NCOR2: variants seen among roughly 807,000 people sequenced by gnomAD.
The protein encoded by NCOR2 is CTG repeat protein 26.
A neutral mutation model predicts 262.9 loss-of-function variants in NCOR2; 81 were observed. That is an observed-to-expected ratio of 0.31 (90% confidence interval 0.26 to 0.37). The LOEUF is 0.37. Among genes scored for constraint, NCOR2 ranks in the 10% least tolerant of loss-of-function variants. The pLI, the probability that NCOR2 is intolerant of heterozygous loss-of-function variation, is 1.00. For missense variants in NCOR2, 3,385 were observed against 3,621.4 expected, an observed-to-expected ratio of 0.93 and a Z score of 1.68; for synonymous variants, 1,659 against 1,559.3, an observed-to-expected ratio of 1.06 and a Z score of -1.51.
At chr12:124,326,104 G>T in intron 46 of NCOR2, 87 bp downstream of exon 48, 1 of 1,329,854 alleles carries the variant, frequency 7.5e-7, no homozygotes, top group Non-Finnish European at 9.8e-7. Context: ...GCATGCAGCA[G>T]GCGCTCAGCA....
At chr12:124,518,231 C>T in intron 1 of NCOR2, 1 of 152,854 alleles carries the variant, frequency 6.5e-6, no homozygotes, top group Non-Finnish European at 1.5e-5. Context: ...AAAAAAAGTG[C>T]CAGCCAGCGG....
At chr12:124,486,536 G>T (rs1218277556) in exon 2 of NCOR2, 24 of 1,593,952 alleles carry the variant, frequency 1.5e-5, no homozygotes, top group African/African-American at 2.7e-5. Flanking sequence ...CATAGTCGCG[G>T]GAGTGGTGCT....
chr12:124,392,797 G>A (rs73225412), intron 16 of NCOR2, among the ~76,000 whole-genome samples: 7,792 of 152,306 alleles, frequency 0.051, 342 homozygotes, highest in African/African-American at 0.12. Context: ...ATAAAAGCCC[G>A]TCAGGCCAGC....
At chr12:124,456,860 G>A (rs549821731) in intron 6 of NCOR2, among the ~76,000 whole-genome samples, 61 of 152,310 alleles carry the variant, frequency 4.0e-4, no homozygotes, top group African/African-American at 1.2e-3. Context: ...ACAGGAGTGC[G>A]CAGGTGGCCC....
At chr12:124,346,030 G>A (rs1465075201) in intron 31 of NCOR2, among the ~76,000 whole-genome samples, 1 of 152,188 alleles carries the variant, frequency 6.6e-6, no homozygotes, top group African/African-American at 2.4e-5. Context: ...GCAACCTGCT[G>A]GTGGGTGCAG....
At chr12:124,343,039 G>A (rs763174817) in exon 33 of NCOR2, 1 of 1,611,872 alleles carries the variant, frequency 6.2e-7, no homozygotes, top group Non-Finnish European at 8.5e-7. Flanking sequence ...GTATGGAGGT[G>A]GGGTCGAAGG....
intron 1 of NCOR2, among the ~76,000 whole-genome samples, chr12:124,515,643 G>C (rs1340379132): frequency 1.3e-5 from 1 of 75,782 alleles, no homozygotes; most frequent in African/African-American, 3.1e-5. Context: ...GACTGTGAGT[G>C]TGCATATGAG....
chr12:124,488,619 C>T (rs186743161), intron 1 of NCOR2, among the ~76,000 whole-genome samples: 10 of 152,322 alleles, frequency 6.6e-5, no homozygotes, highest in East Asian at 1.9e-4. Context: ...AGGGAGAAGA[C>T]GGGGCTGGAG....
chr12:124,375,822 C>T (rs2039947358), intron 18 of NCOR2, among the ~76,000 whole-genome samples: 1 of 152,180 alleles, frequency 6.6e-6, no homozygotes, highest in Non-Finnish European at 1.5e-5. Context: ...GGTATCACTC[C>T]CAGCCCCGCG....
intron 1 of NCOR2, among the ~76,000 whole-genome samples, chr12:124,522,525 T>C (rs553722270): frequency 1.3e-5 from 2 of 152,222 alleles, no homozygotes; most frequent in Non-Finnish European, 2.9e-5. Flanking sequence ...ACACTTGTCA[T>C]TGGATTTAGG....
chr12:124,526,158 T>A (rs1291939286), intron 1 of NCOR2, among the ~76,000 whole-genome samples: 1 of 152,160 alleles, frequency 6.6e-6, no homozygotes, highest in Non-Finnish European at 1.5e-5. Flanking sequence ...CCAGGCAGCC[T>A]CCTTGGATTG....
At chr12:124,429,564 G>A (rs2043797173) in intron 10 of NCOR2, 49 bp downstream of exon 12, 1 of 1,541,862 alleles carries the variant, frequency 6.5e-7, no homozygotes, top group South Asian at 1.2e-5. Flanking sequence ...ACCCTCACGG[G>A]GGATGCCAGG....
chr12:124,393,262 G>A (rs970865415), intron 16 of NCOR2, among the ~76,000 whole-genome samples: 3 of 152,148 alleles, frequency 2.0e-5, no homozygotes, highest in African/African-American at 4.8e-5. Context: ...CGCTGGGCCC[G>A]AGGGCAGGCG....
intron 45 of NCOR2, among the ~76,000 whole-genome samples, chr12:124,327,168 G>A (rs989889308): frequency 9.9e-5 from 15 of 152,236 alleles, no homozygotes; most frequent in South Asian, 4.1e-4. Context: ...CGAGGGAGGC[G>A]GCAGCGCTTC....
intron 16 of NCOR2, among the ~76,000 whole-genome samples, chr12:124,397,414 C>T (rs917663607): frequency 6.6e-6 from 1 of 152,188 alleles, no homozygotes; most frequent in African/African-American, 2.4e-5. Flanking sequence ...GGAGACAGCA[C>T]AGCTGAGAGG....
chr12:124,454,132 G>T lies in NCOR2; in HGVS notation c.762+2974C>A, dbSNP rs1032214273. 6.6e-6 allele frequency among the ~76,000 whole-genome samples: 1 copy of T among 152,180 alleles called. No homozygotes were observed. The highest frequency in any genetic ancestry group is 2.4e-5 in the African/African-American group (1 of 41,442). On this transcript the variant is annotated intron_variant, in intron 6 of 46. Transcript: ENST00000405201. The surrounding 1 kb of genome is among the most constrained non-coding windows in gnomAD (Gnocchi z 5.6). ...GGCCACTCGGGCCTGGCAGATCTGT[G>T]CAGAACTGGCCGGCCGCTCTCCCAG... is the stretch of plus-strand genomic sequence containing the variant.
chr12:124,428,464 C>T (rs942744713), intron 10 of NCOR2, among the ~76,000 whole-genome samples: 1 of 152,234 alleles, frequency 6.6e-6, no homozygotes, highest in Admixed American at 6.5e-5. Context: ...ATGCGGATTC[C>T]TGGGCTCTGC....
intron 18 of NCOR2, 142 bp from the exon 21 acceptor site, chr12:124,374,605 T>C (rs1304993492): frequency 2.5e-6 from 2 of 801,090 alleles, no homozygotes; most frequent in African/African-American, 3.4e-5. Flanking sequence ...CTGCCCCGAC[T>C]GCCCTTCTCC....
chr12:124,418,124 A>C (rs1057333764), intron 13 of NCOR2, among the ~76,000 whole-genome samples: 2 of 152,048 alleles, frequency 1.3e-5, no homozygotes, highest in Non-Finnish European at 1.5e-5. Flanking sequence ...TTTGGAATAC[A>C]TGCTCTGTGC....
Sources: gnomAD v4.1 joint callset for allele counts (sites outside exome capture counted in the v4.1 genomes callset) on GRCh38, gnomAD v4.1.1 for gene constraint, Gnocchi (gnomAD v3.1) non-coding constraint, MANE v1.5 for transcripts, NCBI Gene and HGNC (gene_info 2026-07-23, HGNC 2026-07-21) for gene names.